PLD5: variants seen among roughly 807,000 people sequenced by gnomAD.
PLD5 encodes inactive phospholipase D5.
In PLD5, 36 loss-of-function variants were observed where a neutral mutation model predicts 61.1. That is an observed-to-expected ratio of 0.59 (90% CI 0.45 to 0.78). The LOEUF is 0.78. Ranked by LOEUF, PLD5 falls within the 30% of genes least tolerant of loss-of-function variation. The probability of loss-of-function intolerance (pLI) is 0.00; values close to 1 mark genes in which losing one functional copy is unlikely to be tolerated. For missense variants in PLD5, 515 were observed against 644.4 expected (o/e 0.80, Z 2.17); for synonymous variants, 243 against 242.8 (o/e 1.00, Z -0.01).
At chr1:242,123,343 C>T (rs1413075273) in intron 6 of PLD5, among the ~76,000 whole-genome samples, 1 of 152,220 alleles carries the variant, frequency 6.6e-6, no homozygotes, top group Non-Finnish European at 1.5e-5. Flanking sequence ...GCTATACATA[C>T]ATTTAAGAAA....
intron 4 of PLD5, among the ~76,000 whole-genome samples, chr1:242,258,871 A>T (rs185986384): frequency 9.2e-5 from 14 of 152,306 alleles, no homozygotes; most frequent in African/African-American, 3.4e-4. Flanking sequence ...AGTGATTCAG[A>T]AACATTGGAC....
rs375392459 is a variant in PLD5 at position 242,288,430 on chromosome 1, C to T, written c.427G>A (p.Ala143Thr). ...GACACTATGTCAACAGACTTTTTGG[C>T]CATGTTGAGTAAATTCATCCAGCCT... ...FQGWMNLLNM[A>T]KKSVDIVSSH... The change falls in exon 3 of 10, where the codon GCC becomes ACC. Residue 143 changes from alanine to threonine, a missense_variant. Physicochemically the swap from Ala to Thr is moderately conservative, Grantham distance 58. Around this residue, in one of 2 missense-constraint regions of PLD5, gnomAD observed 450 missense variants for 598.1 expected, o/e 0.75. Transcript: ENST00000536534. 1 of 1,612,534 alleles carries T rather than the reference C, an allele frequency of 6.2e-7. No individual in the cohort carries two copies. Among genetic ancestry groups the T allele is most frequent in the Middle Eastern group, 1.7e-4 (1 of 6,042 alleles).
intron 3 of PLD5, among the ~76,000 whole-genome samples, chr1:242,282,395 C>G (rs1459897862): frequency 6.6e-6 from 1 of 152,170 alleles, no homozygotes. Context: ...ATCTGCTAAC[C>G]ACTGTGTAGA....
chr1:242,410,064 C>T (rs1664464153), intron 1 of PLD5, among the ~76,000 whole-genome samples: 1 of 152,132 alleles, frequency 6.6e-6, no homozygotes, highest in Non-Finnish European at 1.5e-5. Context: ...CTTAATAACT[C>T]CTATAATATT....
chr1:242,225,809 T>C (rs1346978917), intron 4 of PLD5, among the ~76,000 whole-genome samples: 2 of 152,260 alleles, frequency 1.3e-5, no homozygotes, highest in Non-Finnish European at 2.9e-5. Flanking sequence ...TTCCACTTAC[T>C]GGTGATGACA....
intron 2 of PLD5, among the ~76,000 whole-genome samples, chr1:242,302,589 T>C (rs1380237250): frequency 6.6e-6 from 1 of 152,166 alleles, no homozygotes; most frequent in African/African-American, 2.4e-5. Flanking sequence ...TATGGTAGCA[T>C]GTGCCTGTAG....
At chr1:242,274,891 A>C (rs1411944548) in intron 3 of PLD5, among the ~76,000 whole-genome samples, 1 of 152,222 alleles carries the variant, frequency 6.6e-6, no homozygotes, top group Non-Finnish European at 1.5e-5. Context: ...AAGAGTGTCA[A>C]CACTTCCTCT....
intron 2 of PLD5, among the ~76,000 whole-genome samples, chr1:242,331,717 A>G (rs1211931585): frequency 6.6e-6 from 1 of 152,194 alleles, no homozygotes; most frequent in Non-Finnish European, 1.5e-5. Context: ...AATACCCCCC[A>G]ATTCAACTTT....
At chr1:242,485,554 G>C (rs1667930835) in intron 1 of PLD5, among the ~76,000 whole-genome samples, 1 of 152,100 alleles carries the variant, frequency 6.6e-6, no homozygotes, top group Non-Finnish European at 1.5e-5. Flanking sequence ...ACTGAACAAT[G>C]AAATAAAAGA....
At chr1:242,166,482 A>G (rs1201422505) in intron 5 of PLD5, among the ~76,000 whole-genome samples, 2 of 151,930 alleles carry the variant, frequency 1.3e-5, no homozygotes, top group Non-Finnish European at 2.9e-5. Flanking sequence ...GTGCATGTAC[A>G]CACATACACC....
chr1:242,423,192 C>T (rs984268556), intron 1 of PLD5, among the ~76,000 whole-genome samples: 2 of 151,986 alleles, frequency 1.3e-5, no homozygotes, highest in Non-Finnish European at 2.9e-5. Flanking sequence ...AAGGTATCTG[C>T]GAAAGGCTAA....
At position 242,256,797 on chromosome 1, in the gene PLD5, T is replaced by TC. The variant is rs770964882; in HGVS notation, c.607+8539_607+8540insG. On this transcript the variant is annotated intron_variant, in intron 4 of 9. Transcript: ENST00000536534. The surrounding 1 kb of genome is among the most constrained non-coding windows in gnomAD (Gnocchi z 5.7). ...ATCTATCTATCTATCTATCTATCTATTAATATCTATCTTTCTATGTATCTG... is the reference window on the plus strand; with the variant it reads ...ATCTATCTATCTATCTATCTATCTATCTAATATCTATCTTTCTATGTATCTG... Among the ~76,000 whole-genome samples the TC allele has an allele frequency of 1.4e-3, 204 of 151,006 alleles. 1 individual carries two copies. The highest frequency in any genetic ancestry group is 2.4e-3 in the Non-Finnish European group (165 of 67,382).
chr1:242,179,921 A>AGTGTGT (rs4039792), intron 5 of PLD5, among the ~76,000 whole-genome samples: 2,850 of 150,528 alleles, frequency 0.019, 91 homozygotes, highest in African/African-American at 0.066. Context: ...ACCAAAATTG[A>AGTGTGT]GTGTGTGTGT....
intron 9 of PLD5, among the ~76,000 whole-genome samples, chr1:242,099,683 G>C (rs1441637098): frequency 6.6e-6 from 1 of 152,118 alleles, no homozygotes; most frequent in Non-Finnish European, 1.5e-5. Context: ...GATAAAAGCT[G>C]CCCTCCCTAT....
chr1:242,430,255 G>A (rs1665646353), intron 1 of PLD5, among the ~76,000 whole-genome samples: 1 of 152,208 alleles, frequency 6.6e-6, no homozygotes, highest in African/African-American at 2.4e-5. Context: ...TGGAGGCTGG[G>A]AAGTTCAAGA....
In PLD5 at chr1:242,302,540, A is replaced by AG. The variant is rs1189905057; in HGVS notation, c.327-14011dup. Among the ~76,000 whole-genome samples, 3 of 4,514 alleles carry AG rather than the reference A, an allele frequency of 6.6e-4. No individual in the cohort carries two copies. In the Non-Finnish European group the frequency reaches 0.068, roughly 103 times the overall value. 3.0% of individuals were successfully genotyped at this position (4,514 alleles called of 152,430 possible). A position where few individuals can be genotyped will look rare whatever the true frequency, so the allele number is the denominator to read the frequency against. On this transcript the variant is annotated intron_variant, in intron 2 of 9. Transcript: ENST00000536534. Reference sequence around the variant, plus strand: ...TAAGACCAGCCTGGTCAACACAGCAAGACCTGTCTCTACCAAAAAACTTTA... The same window carrying AG: ...TAAGACCAGCCTGGTCAACACAGCAAGGACCTGTCTCTACCAAAAAACTTTA...
chr1:242,368,674 G>A (rs1446737773), intron 1 of PLD5, among the ~76,000 whole-genome samples: 2 of 152,090 alleles, frequency 1.3e-5, no homozygotes, highest in East Asian at 3.9e-4. Context: ...TCTCCATGTT[G>A]CCCATTTCTT....
chr1:242,446,577 C>T (rs115036205), intron 1 of PLD5, among the ~76,000 whole-genome samples: 1 of 152,040 alleles, frequency 6.6e-6, no homozygotes, highest in South Asian at 2.1e-4. Flanking sequence ...GAGATTCTAT[C>T]TAAAAAGAAA....
intron 1 of PLD5, among the ~76,000 whole-genome samples, chr1:242,480,691 T>C (rs1313145975): frequency 6.6e-6 from 1 of 152,168 alleles, no homozygotes; most frequent in Non-Finnish European, 1.5e-5. Context: ...GCAAAAGATC[T>C]GAACAGGCAC....
Sources: gnomAD v4.1 joint callset for allele counts (sites outside exome capture counted in the v4.1 genomes callset) on GRCh38, gnomAD v4.1.1 for gene constraint, gnomAD v4.1.1 regional missense constraint, Gnocchi (gnomAD v3.1) non-coding constraint, MANE v1.5 for transcripts, NCBI Gene and HGNC (gene_info 2026-07-23, HGNC 2026-07-21) for gene names.